The following UMAD1 variants were observed in gnomAD, a reference collection of about 807,000 sequenced individuals.
The protein encoded by UMAD1 is UBAP1-MVB12-associated (UMA)-domain containing protein 1.
In UMAD1, 8 loss-of-function variants were observed where a neutral mutation model predicts 6.1. The ratio of observed to expected loss-of-function variants is 1.30; its 90% confidence interval spans 0.76 to 2.35. UMAD1 has a LOEUF of 2.35. UMAD1 is among the 30% of genes most tolerant of loss of function. The probability of loss-of-function intolerance (pLI) is 0.00; values close to 1 mark genes in which losing one functional copy is unlikely to be tolerated. For missense variants in UMAD1, 130 were observed against 78.4 expected, an observed-to-expected ratio of 1.66 and a Z score of -2.49; for synonymous variants, 56 against 31.4, an observed-to-expected ratio of 1.78 and a Z score of -2.61.
intron 1 of UMAD1, among the ~76,000 whole-genome samples, chr7:7,667,752 T>C (rs1396984012): frequency 1.3e-5 from 2 of 152,094 alleles, no homozygotes; most frequent in Non-Finnish European, 2.9e-5. Flanking sequence ...CATTGAGAAA[T>C]ATTATATTAA....
At chr7:7,670,934 C>T (rs1353944376) in intron 1 of UMAD1, among the ~76,000 whole-genome samples, 1 of 152,222 alleles carries the variant, frequency 6.6e-6, no homozygotes, top group Non-Finnish European at 1.5e-5. Flanking sequence ...GGAGAGGCTC[C>T]TCCATCCATT....
intron 2 of UMAD1, among the ~76,000 whole-genome samples, chr7:7,748,117 T>TTTTTTTTTG (rs1781608829): frequency 2.0e-5 from 3 of 146,882 alleles, no homozygotes; most frequent in African/African-American, 7.6e-5. Context: ...TTTTTTTTTT[T>TTTTTTTTTG]GTATTTTCAG....
chr7:7,642,453 G>A (rs1784996188), intron 1 of UMAD1, among the ~76,000 whole-genome samples: 1 of 134,122 alleles, frequency 7.5e-6, no homozygotes, highest in African/African-American at 2.8e-5. Context: ...GCCTTGGTGC[G>A]TACCCTGTAA....
At chr7:7,695,765 A>G (rs1757707780) in intron 2 of UMAD1, among the ~76,000 whole-genome samples, 1 of 152,188 alleles carries the variant, frequency 6.6e-6, no homozygotes, top group African/African-American at 2.4e-5. Context: ...GTTGGGAATT[A>G]TCTGTCAATG....
At chr7:7,661,654 TTGTTGCC>T (rs1785477150) in intron 1 of UMAD1, among the ~76,000 whole-genome samples, 1 of 152,166 alleles carries the variant, frequency 6.6e-6, no homozygotes, top group African/African-American at 2.4e-5. Flanking sequence ...ACAGCAAAGA[TTGTTGCC>T]CGTTCCTTCC....
chr7:7,775,319 G>A (rs1224219210), intron 2 of UMAD1, among the ~76,000 whole-genome samples: 3 of 152,206 alleles, frequency 2.0e-5, no homozygotes, highest in Admixed American at 6.5e-5. Flanking sequence ...AATCATATGT[G>A]TCCTGGGAGG....
intron 2 of UMAD1, among the ~76,000 whole-genome samples, chr7:7,681,202 A>C (rs1216156980): frequency 6.6e-6 from 1 of 152,132 alleles, no homozygotes; most frequent in East Asian, 1.9e-4. Flanking sequence ...GGTCAGAGTA[A>C]ATTATGTTGT....
rs1483508507 is a variant in UMAD1, at chr7:7,655,668, AT to A, written c.-64+14848del. 5.9e-5 allele frequency among the ~76,000 whole-genome samples: 9 copies of A among 152,332 alleles called. No individual in the cohort carries two copies. The East Asian group carries it at 1.3e-3, about 23-fold the overall frequency. ...TTAACTCATATAACTTCCCTTTTTA[AT>A]GGATGCTATATATGTGTATGATGTG... On this transcript the variant is annotated intron_variant, in intron 1 of 3. Coordinates refer to ENST00000682710, the MANE Select transcript of UMAD1 (RefSeq NM_001302348.2).
chr7:7,756,536 G>A (rs983518721), intron 2 of UMAD1, among the ~76,000 whole-genome samples: 9 of 152,028 alleles, frequency 5.9e-5, no homozygotes, highest in East Asian at 5.8e-4. Context: ...TAGACCAGCC[G>A]CCCCTTTCTG....
At chr7:7,867,268 C>A (rs1024924728) in intron 3 of UMAD1, among the ~76,000 whole-genome samples, 1 of 152,116 alleles carries the variant, frequency 6.6e-6, no homozygotes, top group African/African-American at 2.4e-5. Context: ...AGAGAGAAAT[C>A]CGAGTTTGAG....
At chr7:7,729,254 C>T (rs1469999242) in intron 2 of UMAD1, among the ~76,000 whole-genome samples, 2 of 152,136 alleles carry the variant, frequency 1.3e-5, no homozygotes, top group African/African-American at 4.8e-5. Flanking sequence ...CATGATGAGG[C>T]TCGGGAGTTA....
rs1455145856 is a variant in UMAD1, at chr7:7,662,632, C to T, written c.-63-10677C>T. On this transcript the variant is annotated intron_variant, in intron 1 of 3. Transcript: ENST00000682710. ...ACCCCACCCTGTTTCTGTTCGCCCTCCTTGGGCTGCACCCACTGTCTAACC... is the reference window on the plus strand; with the variant it reads ...ACCCCACCCTGTTTCTGTTCGCCCTTCTTGGGCTGCACCCACTGTCTAACC... 3.9e-5 allele frequency among the ~76,000 whole-genome samples: 6 copies of T among 152,254 alleles called. No homozygotes were observed. In the East Asian group the frequency reaches 9.7e-4, roughly 25 times the overall value.
intron 3 of UMAD1, among the ~76,000 whole-genome samples, chr7:7,874,160 C>T (rs1349682796): frequency 6.6e-6 from 1 of 152,200 alleles, no homozygotes; most frequent in African/African-American, 2.4e-5. Context: ...CTCTTGTTCT[C>T]ATATCCCCAC....
At chr7:7,642,129 A>G (rs962219544) in intron 1 of UMAD1, among the ~76,000 whole-genome samples, 14 of 152,038 alleles carry the variant, frequency 9.2e-5, no homozygotes, top group African/African-American at 2.4e-4. Context: ...ACACACATCA[A>G]TGTCTTTAAT....
chr7:7,845,487 C>G (rs1231305285), intron 3 of UMAD1, among the ~76,000 whole-genome samples: 1 of 152,034 alleles, frequency 6.6e-6, no homozygotes, highest in Non-Finnish European at 1.5e-5. Context: ...CTAGAAATTT[C>G]TTTTAAATGT....
intron 3 of UMAD1, among the ~76,000 whole-genome samples, chr7:7,826,737 A>G (rs17138331): frequency 0.092 from 14,029 of 152,122 alleles, 793 homozygotes; most frequent in East Asian, 0.21. Context: ...AACAGCTTTC[A>G]TTTACATCTC....
At chr7:7,806,743 A>AAT (rs969705557) in intron 3 of UMAD1, among the ~76,000 whole-genome samples, 12 of 152,084 alleles carry the variant, frequency 7.9e-5, no homozygotes, top group African/African-American at 2.4e-4. Context: ...GTTAGCTTTA[A>AAT]ATATATATAT....
At chr7:7,786,423 C>A (rs1180741337) in intron 2 of UMAD1, among the ~76,000 whole-genome samples, 1 of 152,124 alleles carries the variant, frequency 6.6e-6, no homozygotes, top group Non-Finnish European at 1.5e-5. Flanking sequence ...TGCAGTCTAT[C>A]AGGTGGTGCA....
intron 2 of UMAD1, among the ~76,000 whole-genome samples, chr7:7,721,691 T>C (rs1254221584): frequency 6.6e-6 from 1 of 152,198 alleles, no homozygotes; most frequent in Non-Finnish European, 1.5e-5. Flanking sequence ...TCCTCCTTGA[T>C]CTTTTTTGTG....
Sources: allele counts gnomAD v4.1 joint callset (sites outside exome capture counted in the v4.1 genomes callset), GRCh38; gene constraint gnomAD v4.1.1; transcripts MANE v1.5; gene names NCBI Gene and HGNC (gene_info 2026-07-23, HGNC 2026-07-21).